IQGAP1: variants seen among roughly 807,000 people sequenced by gnomAD.
IQGAP1 encodes IQ motif containing GTPase activating protein 1, also known as ras GTPase-activating-like protein IQGAP1.
Under a neutral mutation model 215.6 loss-of-function variants are expected in IQGAP1, and 66 were observed. The observed-to-expected ratio is 0.31, with a 90% confidence interval of 0.25 to 0.38. The LOEUF (loss-of-function observed/expected upper bound fraction) is 0.38, where lower values mean the gene tolerates loss of function less well. Among genes scored for constraint, IQGAP1 ranks in the 10% least tolerant of loss-of-function variants. The probability of loss-of-function intolerance (pLI) is 1.00; values close to 1 mark genes in which losing one functional copy is unlikely to be tolerated. For synonymous variants in IQGAP1, 772 were observed against 728.7 expected (o/e 1.06, Z -0.96); for missense variants, 1,712 against 1,997.1 (o/e 0.86, Z 2.72).
At chr15:90,492,062 T>C (rs1966213094) in intron 34 of IQGAP1, among the ~76,000 whole-genome samples, 1 of 152,146 alleles carries the variant, frequency 6.6e-6, no homozygotes, top group Non-Finnish European at 1.5e-5. Context: ...TCTAAAAATG[T>C]GTAAGTCTAA....
intron 3 of IQGAP1, among the ~76,000 whole-genome samples, chr15:90,428,263 A>T (rs781558218): frequency 1.0e-4 from 15 of 149,248 alleles, no homozygotes; most frequent in Non-Finnish European, 1.9e-4. Flanking sequence ...TAGTGTAGAG[A>T]TGGGGGTCTC....
chr15:90,438,066 A>G (rs1484409167), intron 5 of IQGAP1, among the ~76,000 whole-genome samples: 2 of 152,262 alleles, frequency 1.3e-5, no homozygotes, highest in East Asian at 1.9e-4. Flanking sequence ...TACAATTTAA[A>G]TTTTGATCAG....
At position 90,448,636 on chromosome 15, in the gene IQGAP1, G is replaced by A. The variant is rs1321888523; in HGVS notation, c.977G>A (p.Arg326Lys). 2 of 1,611,554 alleles carry A rather than the reference G, an allele frequency of 1.2e-6. No homozygotes were observed. Among genetic ancestry groups the A allele is most frequent in the East Asian group, 4.5e-5 (2 of 44,780 alleles). ...LEQGDALALF[R>K]ALQSPALGLR... ...CAAGGAGATGCACTGGCCTTGTTCA[G>A]GGCTCTGCAGTCACCAGCCCTGGGG... Residue 326 changes from arginine to lysine, a missense_variant, in exon 10 of 38, where the codon AGG (arginine) becomes AAG (lysine). Around this residue, in one of 2 missense-constraint regions of IQGAP1, gnomAD observed 1,021 missense variants for 1,074.2 expected, o/e 0.95. Transcript: ENST00000268182.
chr15:90,388,279 C>G lies in IQGAP1; in HGVS notation c.-63C>G, dbSNP rs1026969552. 3.2e-6 allele frequency: 5 copies of G among 1,568,388 alleles called. No homozygotes were observed. Among genetic ancestry groups the G allele is most frequent in the East Asian group, 4.7e-5 (2 of 42,438 alleles). ...CCCGCGCACTTGGCAGGAGCTGTAG[C>G]TACCGCCGTCCGCGCCTCCAAGGTT... On this transcript the variant is annotated 5_prime_UTR_variant, in exon 1 of 38. Transcript: ENST00000268182.
At chr15:90,496,952 C>A in intron 36 of IQGAP1, 2 of 245,712 alleles carry the variant, frequency 8.1e-6, no homozygotes, top group Non-Finnish European at 1.6e-5. Context: ...ATGATGTCAT[C>A]CCTTCACACG....
At chr15:90,486,338 G>A (rs1966126299) in intron 31 of IQGAP1, 1 of 388,222 alleles carries the variant, frequency 2.6e-6, no homozygotes, top group Non-Finnish European at 4.6e-6. Flanking sequence ...AGGAACTGGA[G>A]TCAGAGGAAA....
intron 2 of IQGAP1, among the ~76,000 whole-genome samples, chr15:90,423,422 G>A (rs1179667827): frequency 1.3e-5 from 2 of 151,942 alleles, no homozygotes; most frequent in East Asian, 3.9e-4. Flanking sequence ...TAGTAGAGAT[G>A]GGGTTTCGCC....
At chr15:90,441,312 A>G (rs546679032) in intron 7 of IQGAP1, among the ~76,000 whole-genome samples, 194 bp from the exon 8 acceptor site, 26 of 152,236 alleles carry the variant, frequency 1.7e-4, no homozygotes, top group Non-Finnish European at 3.4e-4. Context: ...GTGGCTTTGC[A>G]TACTGTAAGG....
intron 2 of IQGAP1, among the ~76,000 whole-genome samples, chr15:90,417,278 T>A (rs573212848): frequency 2.0e-5 from 3 of 152,350 alleles, no homozygotes; most frequent in South Asian, 4.1e-4. Flanking sequence ...ATGAAGTCCT[T>A]GCCCATGTCT....
At chr15:90,476,008 T>C (rs1965974800) in intron 23 of IQGAP1, among the ~76,000 whole-genome samples, 1 of 152,090 alleles carries the variant, frequency 6.6e-6, no homozygotes, top group Non-Finnish European at 1.5e-5. Context: ...TGATCATGAC[T>C]CACTGCAACC....
At chr15:90,396,810 G>A (rs568491823) in intron 2 of IQGAP1, among the ~76,000 whole-genome samples, 34 of 151,920 alleles carry the variant, frequency 2.2e-4, no homozygotes, top group Non-Finnish European at 3.2e-4. Context: ...TGTGGCTGCC[G>A]AAAGCTTTTT....
intron 9 of IQGAP1, among the ~76,000 whole-genome samples, chr15:90,447,944 T>C (rs762366560): frequency 8.5e-5 from 13 of 152,166 alleles, no homozygotes; most frequent in East Asian, 1.9e-4. Context: ...TCTGCACAGG[T>C]TGGACCACCC....
At chr15:90,453,338 A>T in intron 13 of IQGAP1, 46 bp downstream of exon 13, 1 of 1,446,094 alleles carries the variant, frequency 6.9e-7, no homozygotes, top group Non-Finnish European at 9.4e-7. Flanking sequence ...GTAGCTGTTA[A>T]CCCTGTCTTT....
intron 4 of IQGAP1, among the ~76,000 whole-genome samples, chr15:90,432,331 T>C (rs1259152389): frequency 1.3e-5 from 2 of 152,320 alleles, no homozygotes; most frequent in African/African-American, 4.8e-5. Flanking sequence ...TCTCCATTTA[T>C]TTGAAATATC....
chr15:90,414,053 C>A (rs555288846), intron 2 of IQGAP1, among the ~76,000 whole-genome samples: 232 of 152,206 alleles, frequency 1.5e-3, no homozygotes, highest in African/African-American at 5.4e-3. Context: ...GCTTTTTCCA[C>A]AATCATTTAA....
chr15:90,388,773 T>C (rs1242427461), intron 1 of IQGAP1, among the ~76,000 whole-genome samples: 5 of 152,018 alleles, frequency 3.3e-5, no homozygotes, highest in Admixed American at 6.6e-5. Context: ...GCTCTGCCCG[T>C]TTCGTGGAAA....
rs568861132 is a variant in IQGAP1 at position 90,461,793 on chromosome 15, C to T, written c.1777-4208C>T. On this transcript the variant is annotated intron_variant, in intron 15 of 37. Coordinates refer to ENST00000268182, the MANE Select transcript of IQGAP1 (RefSeq NM_003870.4). ...AGTAAGCTGAGATCATACCACTGCA[C>T]TCCAGCCTGGGTGACAGCGAAGCTG... Among the ~76,000 whole-genome samples, 213 of 152,146 alleles carry T rather than the reference C, an allele frequency of 1.4e-3. 1 individual carries two copies. Among genetic ancestry groups the T allele is most frequent in the African/African-American group, 5.0e-3 (206 of 41,512 alleles).
chr15:90,459,533 T>TCAAACTTTTTGAGG (rs1965732240), intron 15 of IQGAP1, among the ~76,000 whole-genome samples: 1 of 152,208 alleles, frequency 6.6e-6, no homozygotes, highest in South Asian at 2.1e-4. Flanking sequence ...AGGATGTGAC[T>TCAAACTTTTTGAGG]ATAGAGTTTG....
chr15:90,477,228 C>A lies in IQGAP1; in HGVS notation c.3102C>A (p.Ile1034=), dbSNP rs753947025. The change falls in exon 25 of 38, where the codon ATC becomes ATA. Residue 1034 remains isoleucine (I), a splice_region_variant and synonymous_variant. Transcript: ENST00000268182. Reference sequence around the variant, plus strand: ...TTAAGACAGCACTCCAAGAGGAAATCAAGTATGAACAGATTTCCTCAGGGC... The same window carrying A: ...TTAAGACAGCACTCCAAGAGGAAATAAAGTATGAACAGATTTCCTCAGGGC... ...RLFKTALQEE[I]KSKVDQIQEI... is the part of the protein sequence containing the mutation. 6.2e-7 allele frequency: 1 copy of A among 1,613,694 alleles called. No individual in the cohort carries two copies. Among genetic ancestry groups the A allele is most frequent in the Non-Finnish European group, 8.5e-7 (1 of 1,179,816 alleles).
Sources: allele counts gnomAD v4.1 joint callset (sites outside exome capture counted in the v4.1 genomes callset), GRCh38; gene constraint gnomAD v4.1.1; regional missense constraint gnomAD v4.1.1; transcripts MANE v1.5; gene names NCBI Gene and HGNC (gene_info 2026-07-23, HGNC 2026-07-21).